The following CTCF variants were observed in gnomAD, a reference collection of about 807,000 sequenced individuals.
CTCF encodes the protein transcriptional repressor CTCF.
A neutral mutation model predicts 72.3 loss-of-function variants in CTCF; 7 were observed. That is an observed-to-expected ratio of 0.10 (90% CI 0.06 to 0.18). CTCF has a LOEUF of 0.18. Ranked by LOEUF, CTCF falls within the 10% of genes least tolerant of loss-of-function variation. The pLI is 1.00. For synonymous variants in CTCF, 374 were observed against 315.8 expected, an observed-to-expected ratio of 1.18 and a Z score of -1.95; for missense variants, 516 against 949.1, an observed-to-expected ratio of 0.54 and a Z score of 6.00.
chr16:67,607,751 G>A (rs189022789), intron 2 of CTCF, among the ~76,000 whole-genome samples: 56 of 151,946 alleles, frequency 3.7e-4, no homozygotes, highest in African/African-American at 1.3e-3. Flanking sequence ...TGGGCGTGGT[G>A]GCTCACGCCT....
intron 2 of CTCF, among the ~76,000 whole-genome samples, chr16:67,582,289 G>T (rs974737664): frequency 3.9e-5 from 6 of 152,022 alleles, no homozygotes; most frequent in Non-Finnish European, 1.5e-5. Flanking sequence ...ATGTGTGCAT[G>T]CTTTAGTTTT....
At position 67,631,154 on chromosome 16, in the gene CTCF, G is replaced by GTTTTTTTTTTTTTTTTTT. The variant is rs766362012; in HGVS notation, c.1837+1631_1837+1632insTTTTTTTTTTTTTTTTTT. 9.6e-5 allele frequency among the ~76,000 whole-genome samples: 12 copies of GTTTTTTTTTTTTTTTTTT among 125,024 alleles called. 2 individuals are homozygous for GTTTTTTTTTTTTTTTTTT. Among genetic ancestry groups the GTTTTTTTTTTTTTTTTTT allele is most frequent in the African/African-American group, 3.4e-4 (10 of 29,798 alleles). 82.0% of individuals were successfully genotyped at this position (125,024 alleles called of 152,430 possible). On this transcript the variant is annotated intron_variant, in intron 10 of 11. Coordinates refer to ENST00000264010, the MANE Select transcript of CTCF (RefSeq NM_006565.4). ...ATTGGGCTTTTTTTGTTCTTTGTTT[G>GTTTTTTTTTTTTTTTTTT]TTTTTTTTTTGTTTTTTGTTTTTTT... is the stretch of plus-strand genomic sequence containing the variant.
At chr16:67,611,719 G>A (rs941996612) in intron 3 of CTCF, 106 bp downstream of exon 3, 26 of 1,145,388 alleles carry the variant, frequency 2.3e-5, no homozygotes, top group African/African-American at 2.2e-4. Flanking sequence ...GTAAAAGGTC[G>A]TTATGTGGGT....
chr16:67,618,219 T>C (rs2052158230), intron 5 of CTCF, among the ~76,000 whole-genome samples: 1 of 152,182 alleles, frequency 6.6e-6, no homozygotes, highest in Non-Finnish European at 1.5e-5. Flanking sequence ...GTGGCCAACA[T>C]GGTGAAACAC....
intron 2 of CTCF, among the ~76,000 whole-genome samples, chr16:67,599,581 G>T (rs913251057): frequency 2.0e-5 from 3 of 152,112 alleles, no homozygotes; most frequent in East Asian, 1.9e-4. Context: ...CGATTGCCTG[G>T]ATTGTTCTTC....
intron 2 of CTCF, among the ~76,000 whole-genome samples, chr16:67,575,989 TAAAAAAAAAA>T (rs35681914): frequency 8.8e-6 from 1 of 114,124 alleles, no homozygotes; most frequent in African/African-American, 3.3e-5. Context: ...ACCTTGTCTG[TAAAAAAAAAA>T]AAAAAAAAAA....
rs1029375319 is a variant in CTCF, at chr16:67,610,777, A to G, written c.-9-47A>G. ...TGTTTTAAAATGTATATTTTTATTT[A>G]GACATGCTTTGCTTTAAATAACAAT... On this transcript the variant is annotated intron_variant, in intron 2 of 11. Transcript: ENST00000264010. 3 of 1,298,372 alleles carry G rather than the reference A, an allele frequency of 2.3e-6. No individual in the cohort carries two copies. In the East Asian group the frequency reaches 7.4e-5, roughly 32 times the overall value. The allele number at this position is 1,298,372 out of a possible 1,614,324, so 80.4% of individuals were successfully genotyped here. A position where few individuals can be genotyped will look rare whatever the true frequency, so the allele number is the denominator to read the frequency against.
chr16:67,575,691 C>G (rs1395006965), intron 2 of CTCF, among the ~76,000 whole-genome samples: 94 of 152,172 alleles, frequency 6.2e-4, no homozygotes, highest in African/African-American at 2.3e-3. Flanking sequence ...GATCCGCCCA[C>G]CTTGGCCTCC....
In CTCF at chr16:67,611,114, G is replaced by C; in HGVS notation, c.282G>C (p.Gln94His). Residue 94 changes from glutamine (Q) to histidine (H), a missense_variant, in exon 3 of 12, where the codon CAG (glutamine) becomes CAC (histidine). Physicochemically the swap from Gln to His is conservative, Grantham distance 24. This residue lies in a region of CTCF where 148 missense variants were observed against 194.9 expected (regional missense o/e 0.76). Coordinates refer to ENST00000264010, the MANE Select transcript of CTCF (RefSeq NM_006565.4). ...CAGAGGCTGCTGTGGACGATACCCA[G>C]ATTATAACTTTACAGGTTGTAAATA... ...PEAEAAVDDT[Q>H]IITLQVVNME... The C allele has an allele frequency of 2.5e-6, 4 of 1,614,186 alleles. No individual in the cohort carries two copies. Among genetic ancestry groups the C allele is most frequent in the Non-Finnish European group, 3.4e-6 (4 of 1,180,042 alleles).
In CTCF at chr16:67,636,456, G is replaced by A. The variant is rs899677222; in HGVS notation, c.1838-234G>A. 5.4e-5 allele frequency among the ~76,000 whole-genome samples: 8 copies of A among 148,240 alleles called. No homozygotes were observed. In the South Asian group the frequency reaches 1.3e-3, roughly 24 times the overall value. ...CCGGCCACTCAGGAGGCTGAGCCAC[G>A]AGAATTGCTTGAATCTGGGAGGCAG... On this transcript the variant is annotated intron_variant, in intron 10 of 11. Coordinates refer to ENST00000264010, the MANE Select transcript of CTCF (RefSeq NM_006565.4).
Position 67,611,174 on chromosome 16 carries a change from G to A in CTCF, c.342G>A (p.Gln114=). 3 of 1,614,192 alleles carry A rather than the reference G, an allele frequency of 1.9e-6. No individual in the cohort carries two copies. The highest frequency in any genetic ancestry group is 8.5e-7 in the Non-Finnish European group (1 of 1,180,040). Residue 114 remains glutamine, a synonymous_variant, in exon 3 of 12, where the codon CAG becomes CAA. Coordinates refer to ENST00000264010, the MANE Select transcript of CTCF (RefSeq NM_006565.4). Reference sequence around the variant, plus strand: ...AGCCCATAAACATAGGAGAACTTCAGCTTGTTCAAGTACCTGTTCCTGTGA... The same window carrying A: ...AGCCCATAAACATAGGAGAACTTCAACTTGTTCAAGTACCTGTTCCTGTGA... ...EEQPINIGEL[Q]LVQVPVPVTV...
chr16:67,627,922 C>CAAA (rs966649326), intron 8 of CTCF: 5 of 45,526 alleles, frequency 1.1e-4, no homozygotes, highest in Non-Finnish European at 1.8e-4. Context: ...GACTCCATCT[C>CAAA]AAAAAAAAAA....
intron 7 of CTCF, among the ~76,000 whole-genome samples, chr16:67,625,401 T>C (rs1044358566): frequency 1.6e-4 from 25 of 152,192 alleles, no homozygotes; most frequent in Non-Finnish European, 1.8e-4. Flanking sequence ...AGTTTTGCCA[T>C]GTTGGCCAGG....
At chr16:67,621,103 G>A (rs936558674) in intron 6 of CTCF, 2 of 365,010 alleles carry the variant, frequency 5.5e-6, no homozygotes, top group Non-Finnish European at 9.8e-6. Flanking sequence ...AAAAGTCTGG[G>A]TAGATTTCCT....
At chr16:67,625,292 G>A (rs1329382466) in intron 7 of CTCF, among the ~76,000 whole-genome samples, 1 of 151,932 alleles carries the variant, frequency 6.6e-6, no homozygotes, top group Non-Finnish European at 1.5e-5. Flanking sequence ...CCAGGTTCAA[G>A]CCATTTTCTT....
chr16:67,607,039 C>G (rs2051983689), intron 2 of CTCF, among the ~76,000 whole-genome samples: 1 of 152,084 alleles, frequency 6.6e-6, no homozygotes, highest in Admixed American at 6.6e-5. Context: ...TCACTGCAAC[C>G]TCCACCTCCC....
intron 7 of CTCF, chr16:67,623,216 A>T (rs991632874): frequency 6.6e-6 from 1 of 152,076 alleles, no homozygotes; most frequent in Non-Finnish European, 1.5e-5. Flanking sequence ...TTGGCCTCCC[A>T]AAGTGTTGGG....
intron 2 of CTCF, among the ~76,000 whole-genome samples, chr16:67,584,712 A>C (rs1468454588): frequency 6.6e-6 from 1 of 152,058 alleles, no homozygotes; most frequent in Non-Finnish European, 1.5e-5. Context: ...AACCTAATAA[A>C]ACTGTAGGAT....
At chr16:67,601,774 T>G (rs1385427244) in intron 2 of CTCF, among the ~76,000 whole-genome samples, 1 of 152,122 alleles carries the variant, frequency 6.6e-6, no homozygotes, top group African/African-American at 2.4e-5. Context: ...CACAGTTGGT[T>G]TCTATTTGTA....
Sources: allele counts gnomAD v4.1 joint callset (sites outside exome capture counted in the v4.1 genomes callset), GRCh38; gene constraint gnomAD v4.1.1; regional missense constraint gnomAD v4.1.1; transcripts MANE v1.5; gene names NCBI Gene and HGNC (gene_info 2026-07-23, HGNC 2026-07-21).